Variants in TMEM132C observed in about 807,000 individuals in gnomAD.
TMEM132C encodes the protein transmembrane protein 132C, also known as protein phosphatase 1, regulatory subunit 152.
TMEM132C carries 29 observed loss-of-function variants against 61.4 expected under a neutral mutation model. The observed-to-expected ratio is 0.47, with a 90% CI of 0.35 to 0.64. The LOEUF (loss-of-function observed/expected upper bound fraction) is 0.64, where lower values mean the gene tolerates loss of function less well. TMEM132C is among the 30% of genes least tolerant of loss of function. TMEM132C has a pLI of 0.00. For synonymous variants in TMEM132C, 656 were observed against 633.1 expected (o/e 1.04, Z -0.54); for missense variants, 1,408 against 1,476.9 (o/e 0.95, Z 0.76).
At chr12:128,405,104 C>T (rs937863187) in intron 1 of TMEM132C, among the ~76,000 whole-genome samples, 2 of 152,036 alleles carry the variant, frequency 1.3e-5, no homozygotes, top group Non-Finnish European at 2.9e-5. Context: ...AAAAATGACT[C>T]AATTATCCTA....
chr12:128,526,612 A>G (rs1268400347), intron 2 of TMEM132C, among the ~76,000 whole-genome samples: 1 of 152,252 alleles, frequency 6.6e-6, no homozygotes, highest in Admixed American at 6.5e-5. Context: ...AACAAAAAGT[A>G]TTAACTGTAT....
At chr12:128,604,443 A>AGATAGATT in intron 3 of TMEM132C, among the ~76,000 whole-genome samples, 1 of 150,226 alleles carries the variant, frequency 6.7e-6, no homozygotes, top group African/African-American at 2.5e-5. Context: ...ATAGATAGAT[A>AGATAGATT]GATAGATAAT....
chr12:128,706,028 C>T lies in TMEM132C; in HGVS notation c.3060C>T (p.His1020=), dbSNP rs774210641. 3.0e-5 allele frequency: 47 copies of T among 1,551,570 alleles called. No individual in the cohort carries two copies. The highest frequency in any genetic ancestry group is 6.8e-5 in the African/African-American group (5 of 73,020). ...HLLLNGGSHK[H]VQSQIHRSAD... is the part of the protein sequence containing the mutation. ...TGCTCAATGGTGGCTCCCACAAGCA[C>T]GTGCAGAGCCAGATTCACAGGTCAG... The change falls in exon 9 of 9, where the codon CAC becomes CAT. Residue 1020 remains histidine (H), a synonymous_variant. Transcript: ENST00000435159.
intron 1 of TMEM132C, among the ~76,000 whole-genome samples, chr12:128,275,418 CTGA>C (rs1870656795): frequency 6.6e-6 from 1 of 152,116 alleles, no homozygotes; most frequent in Non-Finnish European, 1.5e-5. Context: ...AATCTAATGC[CTGA>C]TGATCTGTCA....
At chr12:128,321,136 A>G (rs1312186984) in intron 1 of TMEM132C, among the ~76,000 whole-genome samples, 2 of 79,256 alleles carry the variant, frequency 2.5e-5, no homozygotes, top group Non-Finnish European at 3.0e-5. Context: ...GCCATTTTTG[A>G]AAAATAATAA....
At chr12:128,620,888 AG>A (rs1040061008) in intron 4 of TMEM132C, among the ~76,000 whole-genome samples, 1 of 152,032 alleles carries the variant, frequency 6.6e-6, no homozygotes, top group Non-Finnish European at 1.5e-5. Flanking sequence ...GGCAATCAGT[AG>A]GGTTGTTTAA....
intron 3 of TMEM132C, among the ~76,000 whole-genome samples, chr12:128,590,114 C>T (rs1449821599): frequency 6.6e-6 from 1 of 152,188 alleles, no homozygotes; most frequent in African/African-American, 2.4e-5. Context: ...ATGGGCTCTC[C>T]TGGGCTGGGC....
intron 1 of TMEM132C, among the ~76,000 whole-genome samples, chr12:128,273,138 A>G (rs1870576536): frequency 6.6e-6 from 1 of 152,114 alleles, no homozygotes; most frequent in Non-Finnish European, 1.5e-5. Flanking sequence ...TCTGTCACTT[A>G]TTGAGAGAAG....
chr12:128,686,001 C>G (rs1019990592), intron 5 of TMEM132C, among the ~76,000 whole-genome samples: 2 of 151,586 alleles, frequency 1.3e-5, no homozygotes, highest in African/African-American at 4.9e-5. Context: ...TGATAAAAGT[C>G]CATCTCTTCC....
chr12:128,412,347 T>C (rs1164067843), intron 1 of TMEM132C, among the ~76,000 whole-genome samples: 1 of 152,210 alleles, frequency 6.6e-6, no homozygotes, highest in Non-Finnish European at 1.5e-5. Flanking sequence ...CCAATCCCTG[T>C]TAATAACCAA....
chr12:128,410,026 G>A (rs1565927781), intron 1 of TMEM132C, among the ~76,000 whole-genome samples: 1 of 151,958 alleles, frequency 6.6e-6, no homozygotes, highest in Non-Finnish European at 1.5e-5. Context: ...CATTATTTTT[G>A]AGTAACATGG....
chr12:128,690,291 G>A (rs891931517), intron 5 of TMEM132C, among the ~76,000 whole-genome samples: 94 of 152,200 alleles, frequency 6.2e-4, no homozygotes, highest in African/African-American at 2.1e-3. Flanking sequence ...AAACAAAGCC[G>A]AGGGACTAAA....
At chr12:128,612,860 C>T (rs926481739) in intron 3 of TMEM132C, among the ~76,000 whole-genome samples, 2 of 152,206 alleles carry the variant, frequency 1.3e-5, no homozygotes, top group Non-Finnish European at 2.9e-5. Flanking sequence ...TAATGCCCTT[C>T]GTTAGCAGAA....
At chr12:128,605,813 T>C (rs1374624091) in intron 3 of TMEM132C, among the ~76,000 whole-genome samples, 2 of 152,176 alleles carry the variant, frequency 1.3e-5, no homozygotes, top group East Asian at 1.9e-4. Context: ...TTTATACTCA[T>C]TGGAGAGCGA....
chr12:128,622,443 A>G (rs1953977957), intron 4 of TMEM132C, among the ~76,000 whole-genome samples: 1 of 144,082 alleles, frequency 6.9e-6, no homozygotes, highest in African/African-American at 2.5e-5. Context: ...CTCTTCATAG[A>G]CAGTCAAAAT....
chr12:128,409,997 A>G (rs554736810), intron 1 of TMEM132C, among the ~76,000 whole-genome samples: 6 of 152,330 alleles, frequency 3.9e-5, no homozygotes, highest in African/African-American at 7.2e-5. Flanking sequence ...AGGAATAATA[A>G]TATGGTGGGG....
intron 2 of TMEM132C, among the ~76,000 whole-genome samples, chr12:128,533,958 CACA>C (rs1873424428): frequency 6.6e-6 from 1 of 151,008 alleles, no homozygotes; most frequent in African/African-American, 2.4e-5. Context: ...TACACACACA[CACA>C]CACACACACA....
chr12:128,517,815 A>G (rs758327186), intron 2 of TMEM132C, among the ~76,000 whole-genome samples: 84 of 152,356 alleles, frequency 5.5e-4, no homozygotes, highest in Middle Eastern at 6.8e-3. Flanking sequence ...CTAGGAGGGT[A>G]GATGAGCCAG....
intron 4 of TMEM132C, among the ~76,000 whole-genome samples, chr12:128,619,149 C>T (rs1437807628): frequency 6.6e-6 from 1 of 152,132 alleles, no homozygotes. Flanking sequence ...CTGTTAGCAG[C>T]CAGTGAGACA....
Sources: gnomAD v4.1 joint callset for allele counts (sites outside exome capture counted in the v4.1 genomes callset) on GRCh38, gnomAD v4.1.1 for gene constraint, MANE v1.5 for transcripts, NCBI Gene and HGNC (gene_info 2026-07-23, HGNC 2026-07-21) for gene names.